Variants in CHRM3 observed in about 807,000 individuals in gnomAD.
The protein encoded by CHRM3 is muscarinic acetylcholine receptor M3.
In CHRM3, 11 loss-of-function variants were observed where a neutral mutation model predicts 41.8. The ratio of observed to expected loss-of-function variants is 0.26; its 90% confidence interval spans 0.17 to 0.44. The LOEUF (loss-of-function observed/expected upper bound fraction) is 0.44. Ranked by LOEUF, CHRM3 falls within the 20% of genes least tolerant of loss-of-function variation. The pLI is 1.00. For missense variants in CHRM3, 571 were observed against 745.4 expected, an observed-to-expected ratio of 0.77 and a Z score of 2.72; for synonymous variants, 297 against 301.4, an observed-to-expected ratio of 0.99 and a Z score of 0.15.
intron 3 of CHRM3, among the ~76,000 whole-genome samples, chr1:239,577,955 G>A (rs1344888134): frequency 1.3e-5 from 2 of 152,058 alleles, no homozygotes. Context: ...ACGTATTAAT[G>A]GGAAGACATT....
At chr1:239,435,458 A>T (rs377113213) in intron 1 of CHRM3, among the ~76,000 whole-genome samples, 4,255 of 82,004 alleles carry the variant, frequency 0.052, 84 homozygotes, top group Non-Finnish European at 0.082. Context: ...CATAAAATTT[A>T]AAAAAAAAAA....
intron 1 of CHRM3, among the ~76,000 whole-genome samples, chr1:239,456,508 C>T (rs2103359082): frequency 6.6e-6 from 1 of 152,278 alleles, no homozygotes; most frequent in Non-Finnish European, 1.5e-5. Flanking sequence ...ACCGTCTAGG[C>T]TTGTGTACAT....
intron 5 of CHRM3, among the ~76,000 whole-genome samples, chr1:239,820,653 T>G (rs1671967625): frequency 6.6e-6 from 1 of 152,106 alleles, no homozygotes; most frequent in African/African-American, 2.4e-5. Context: ...AGTGCCATAT[T>G]TTGGGGTACT....
chr1:239,406,675 C>T (rs1660620298), intron 1 of CHRM3, among the ~76,000 whole-genome samples: 1 of 152,156 alleles, frequency 6.6e-6, no homozygotes, highest in African/African-American at 2.4e-5. Flanking sequence ...AAGTCCAAAC[C>T]AGACTAAGCT....
chr1:239,656,244 C>A (rs1311378474), intron 4 of CHRM3, among the ~76,000 whole-genome samples: 1 of 152,016 alleles, frequency 6.6e-6, no homozygotes, highest in East Asian at 1.9e-4. Flanking sequence ...GACACCTAAA[C>A]CTCGACATCA....
chr1:239,652,978 ATG>A (rs1672375249), intron 4 of CHRM3, among the ~76,000 whole-genome samples: 2 of 152,214 alleles, frequency 1.3e-5, no homozygotes, highest in Non-Finnish European at 2.9e-5. Flanking sequence ...ATAATAATAT[ATG>A]GTCTAAATGA....
chr1:239,642,442 T>G (rs1232529493), intron 4 of CHRM3, among the ~76,000 whole-genome samples: 1 of 152,184 alleles, frequency 6.6e-6, no homozygotes, highest in East Asian at 1.9e-4. Context: ...TAGTCCCATA[T>G]TTCTTGGAGG....
chr1:239,478,164 A>G (rs1355016710), intron 1 of CHRM3, among the ~76,000 whole-genome samples: 2 of 152,298 alleles, frequency 1.3e-5, no homozygotes, highest in Non-Finnish European at 2.9e-5. Flanking sequence ...CCAAGTTCTG[A>G]TGAAAGGAAA....
chr1:239,752,495 G>T (rs948277535), intron 5 of CHRM3, among the ~76,000 whole-genome samples: 1 of 152,124 alleles, frequency 6.6e-6, no homozygotes, highest in African/African-American at 2.4e-5. Flanking sequence ...GAAATAAATA[G>T]CTTGCAATAT....
At chr1:239,675,744 G>C (rs1657935751) in intron 4 of CHRM3, among the ~76,000 whole-genome samples, 2 of 152,170 alleles carry the variant, frequency 1.3e-5, no homozygotes. Flanking sequence ...TTTCATGAGG[G>C]TGAGGCAGTT....
rs116183072 is a variant in CHRM3 at position 239,654,580 on chromosome 1, G to A, written c.-250+22294G>A. On this transcript the variant is annotated intron_variant, in intron 4 of 6. Transcript: ENST00000676153. ...ATCCTGGCTAATTTTTGTATTTTTA[G>A]TGGAGACGGGGTTTTACCATGTGGG... 9.1e-3 allele frequency among the ~76,000 whole-genome samples: 1,378 copies of A among 152,204 alleles called. 11 individuals carry two copies. Among genetic ancestry groups the A allele is most frequent in the Non-Finnish European group, 0.015 (1,044 of 67,998 alleles).
At chr1:239,542,018 T>C (rs981555799) in intron 2 of CHRM3, among the ~76,000 whole-genome samples, 6 of 152,166 alleles carry the variant, frequency 3.9e-5, no homozygotes, top group African/African-American at 1.4e-4. Flanking sequence ...AGGCAGTAGA[T>C]AGGCAGAGTA....
intron 6 of CHRM3, among the ~76,000 whole-genome samples, chr1:239,866,593 C>T (rs778424949): frequency 2.0e-5 from 3 of 152,048 alleles, no homozygotes; most frequent in South Asian, 2.1e-4. Context: ...AATACAACAG[C>T]GCATGAAGGC....
chr1:239,496,271 A>G (rs1255642939), intron 2 of CHRM3, among the ~76,000 whole-genome samples: 2 of 152,136 alleles, frequency 1.3e-5, no homozygotes, highest in African/African-American at 4.8e-5. Flanking sequence ...TTTACATGCA[A>G]AAAATCAAGA....
chr1:239,594,915 C>A (rs948638832), intron 3 of CHRM3, among the ~76,000 whole-genome samples: 3 of 152,032 alleles, frequency 2.0e-5, no homozygotes, highest in African/African-American at 7.2e-5. Context: ...CATGGAGAAA[C>A]CTCATCTCTA....
intron 3 of CHRM3, among the ~76,000 whole-genome samples, chr1:239,562,599 A>T (rs1248250798): frequency 6.6e-6 from 1 of 152,120 alleles, no homozygotes; most frequent in African/African-American, 2.4e-5. Flanking sequence ...TATTATTTTT[A>T]AAGCGTTGGG....
chr1:239,807,194 A>C (rs1366611505), intron 5 of CHRM3, among the ~76,000 whole-genome samples: 1 of 152,250 alleles, frequency 6.6e-6, no homozygotes, highest in Non-Finnish European at 1.5e-5. Context: ...GTGACTTTTT[A>C]AACTTTAAAA....
chr1:239,857,831 A>G (rs1675247419), intron 6 of CHRM3, among the ~76,000 whole-genome samples: 1 of 152,182 alleles, frequency 6.6e-6, no homozygotes, highest in Admixed American at 6.5e-5. Flanking sequence ...TGTTTGTGCA[A>G]TTACCATAGG....
intron 5 of CHRM3, among the ~76,000 whole-genome samples, chr1:239,739,489 C>A (rs1664660296): frequency 6.6e-6 from 1 of 152,092 alleles, no homozygotes; most frequent in Admixed American, 6.6e-5. Context: ...AAGAAACTCC[C>A]CTTGTGCGTA....
Sources: allele counts gnomAD v4.1 joint callset (sites outside exome capture counted in the v4.1 genomes callset), GRCh38; gene constraint gnomAD v4.1.1; transcripts MANE v1.5; gene names NCBI Gene and HGNC (gene_info 2026-07-23, HGNC 2026-07-21).